The following ADGRL3 variants were observed in gnomAD, a reference collection of about 807,000 sequenced individuals.
ADGRL3 encodes calcium-independent alpha-latrotoxin receptor 3.
In ADGRL3, 62 loss-of-function variants were observed where a neutral mutation model predicts 153.5. That is an observed-to-expected ratio of 0.40 (90% CI 0.33 to 0.50). ADGRL3 has a LOEUF of 0.50. Among genes scored for constraint, ADGRL3 ranks in the 20% least tolerant of loss-of-function variants. The pLI is 0.47. For missense variants in ADGRL3, 1,641 were observed against 1,859.4 expected (o/e 0.88, Z 2.16); for synonymous variants, 710 against 672.5 (o/e 1.06, Z -0.86).
Position 61,979,649 on chromosome 4 carries a change from C to T in ADGRL3, c.2892C>T (p.Ile964=). The T allele has an allele frequency of 6.2e-7, 1 of 1,613,904 alleles. No homozygotes were observed. The change falls in exon 18 of 27, where the codon ATC becomes ATT. Residue 964 remains isoleucine (I), a synonymous_variant. Transcript: ENST00000683033. ...CCCTTGTTTGTCTCCTGATTTGCAT[C>T]TTCACATTTTGCTTTTTCCGGGGGC... The part of the protein sequence containing the change: ...LLSLVCLLIC[I]FTFCFFRGLQ...
intron 2 of ADGRL3, among the ~76,000 whole-genome samples, chr4:61,441,218 AT>A (rs143048832): frequency 0.014 from 2,183 of 152,124 alleles, 32 homozygotes; most frequent in South Asian, 0.039. Context: ...CTCTGGGAAT[AT>A]TTCTTTCTAC....
At chr4:61,229,798 T>C (rs1238560157) in intron 1 of ADGRL3, among the ~76,000 whole-genome samples, 1 of 152,032 alleles carries the variant, frequency 6.6e-6, no homozygotes, top group Non-Finnish European at 1.5e-5. Flanking sequence ...TCCCAGCTAC[T>C]TGGGAGGCTG....
chr4:61,813,518 T>A (rs1191288979), intron 8 of ADGRL3, among the ~76,000 whole-genome samples: 2 of 152,238 alleles, frequency 1.3e-5, no homozygotes, highest in African/African-American at 4.8e-5. Context: ...TTGAGTTTTT[T>A]TTCTTATAAC....
rs949360635 is a variant in ADGRL3 at position 61,892,917 on chromosome 4, A to G, written c.1742A>G (p.Gln581Arg). ...AREIMWFKTR[Q>R]GQIAKQPCPA... is the part of the protein sequence containing the mutation. ...GAAATCATGTGGTTTAAGACTCGTC[A>G]AGGACAGATAGCAAAGCAGCCATGC... Residue 581 changes from glutamine (Q) to arginine (R), a missense_variant, in exon 10 of 27, where the codon CAA (glutamine) becomes CGA (arginine). Physicochemically the swap from Gln to Arg is conservative, Grantham distance 43. Around this residue, in one of 5 missense-constraint regions of ADGRL3, gnomAD observed 734 missense variants for 797.0 expected, o/e 0.92. Coordinates refer to ENST00000683033, the MANE Select transcript of ADGRL3 (RefSeq NM_001387552.1). The G allele has an allele frequency of 1.3e-6, 2 of 1,554,022 alleles. No homozygotes were observed. Among genetic ancestry groups the G allele is most frequent in the South Asian group, 2.5e-5 (2 of 79,704 alleles).
At chr4:61,576,849 G>A (rs2098887977) in intron 4 of ADGRL3, among the ~76,000 whole-genome samples, 1 of 151,574 alleles carries the variant, frequency 6.6e-6, no homozygotes, top group Admixed American at 6.6e-5. Context: ...AGGTTTATTG[G>A]TCTAATCTCA....
At chr4:61,421,281 C>A (rs1416809235) in intron 2 of ADGRL3, among the ~76,000 whole-genome samples, 2 of 152,024 alleles carry the variant, frequency 1.3e-5, no homozygotes, top group Non-Finnish European at 2.9e-5. Flanking sequence ...TTGCAGTGAG[C>A]CAAGAGCACG....
rs148351209 is a variant in ADGRL3, at chr4:61,203,788, G to A, written c.-240+2023G>A. 4.6e-3 allele frequency among the ~76,000 whole-genome samples: 695 copies of A among 152,236 alleles called. 6 individuals carry two copies. The highest frequency in any genetic ancestry group is 0.016 in the African/African-American group (666 of 41,548). On this transcript the variant is annotated intron_variant, in intron 1 of 26. Coordinates refer to ENST00000683033, the MANE Select transcript of ADGRL3 (RefSeq NM_001387552.1). ...CTTCTGGCGCCCAATTTATCTGCAT[G>A]TGGATTACAAATAGGATAGAATTCT... is the stretch of plus-strand genomic sequence containing the variant.
intron 6 of ADGRL3, among the ~76,000 whole-genome samples, chr4:61,695,361 A>G (rs571190901): frequency 6.6e-6 from 1 of 152,312 alleles, no homozygotes; most frequent in Admixed American, 6.5e-5. Context: ...GTCCTTGTAC[A>G]TTATCATCAG....
chr4:61,995,526 T>C (rs1028335836), intron 19 of ADGRL3, among the ~76,000 whole-genome samples: 23 of 152,204 alleles, frequency 1.5e-4, no homozygotes, highest in African/African-American at 5.5e-4. Flanking sequence ...ATTCAAGATA[T>C]TATTTTTAAC....
intron 8 of ADGRL3, among the ~76,000 whole-genome samples, chr4:61,811,805 G>A (rs562587197): frequency 2.7e-4 from 41 of 152,156 alleles, no homozygotes; most frequent in African/African-American, 8.9e-4. Context: ...TATTAACAAA[G>A]TACATAGTGA....
intron 5 of ADGRL3, among the ~76,000 whole-genome samples, chr4:61,676,528 G>A (rs2095200658): frequency 6.6e-6 from 1 of 151,618 alleles, no homozygotes; most frequent in African/African-American, 2.4e-5. Flanking sequence ...GTTCACATTG[G>A]CAATATCCTG....
chr4:61,514,790 A>G, intron 3 of ADGRL3, among the ~76,000 whole-genome samples: 1 of 152,158 alleles, frequency 6.6e-6, no homozygotes, highest in East Asian at 1.9e-4. Flanking sequence ...CCTCAAGCCA[A>G]ACAACTCTTT....
intron 1 of ADGRL3, among the ~76,000 whole-genome samples, chr4:61,351,157 G>C (rs1011235398): frequency 1.3e-5 from 2 of 152,160 alleles, no homozygotes; most frequent in Admixed American, 1.3e-4. Flanking sequence ...TCAGTGGTTT[G>C]GATAGAAAAT....
At chr4:61,446,174 A>C (rs144407246) in intron 2 of ADGRL3, among the ~76,000 whole-genome samples, 32 of 152,250 alleles carry the variant, frequency 2.1e-4, no homozygotes, top group African/African-American at 7.0e-4. Flanking sequence ...GTGTGTATAT[A>C]TCTCTCACTT....
At chr4:61,576,305 T>C (rs940770403) in intron 4 of ADGRL3, among the ~76,000 whole-genome samples, 1 of 151,934 alleles carries the variant, frequency 6.6e-6, no homozygotes, top group Non-Finnish European at 1.5e-5. Flanking sequence ...CAGCATACGA[T>C]GTGGGGCTTT....
At chr4:61,417,479 C>A (rs1385947892) in intron 2 of ADGRL3, among the ~76,000 whole-genome samples, 4 of 151,448 alleles carry the variant, frequency 2.6e-5, no homozygotes. Flanking sequence ...CAGAGCCAGA[C>A]TCTGTCTCAA....
chr4:61,867,507 T>G (rs2149343268), intron 9 of ADGRL3, among the ~76,000 whole-genome samples: 1 of 69,126 alleles, frequency 1.4e-5, no homozygotes, highest in Non-Finnish European at 2.9e-5. Context: ...CTCAAAAAAA[T>G]ATATATGCAT....
At chr4:61,923,961 C>A (rs1005580891) in intron 13 of ADGRL3, among the ~76,000 whole-genome samples, 1 of 152,082 alleles carries the variant, frequency 6.6e-6, no homozygotes, top group Non-Finnish European at 1.5e-5. Flanking sequence ...TTTCCAATTG[C>A]CTACTAGTAT....
intron 6 of ADGRL3, among the ~76,000 whole-genome samples, chr4:61,690,763 C>T (rs2095525945): frequency 6.6e-6 from 1 of 152,044 alleles, no homozygotes; most frequent in South Asian, 2.1e-4. Flanking sequence ...TAGCTGGCTA[C>T]TTGTGTGTGT....
Sources: allele counts gnomAD v4.1 joint callset (sites outside exome capture counted in the v4.1 genomes callset), GRCh38; gene constraint gnomAD v4.1.1; regional missense constraint gnomAD v4.1.1; transcripts MANE v1.5; gene names NCBI Gene and HGNC (gene_info 2026-07-23, HGNC 2026-07-21).